Variants in PTPRK observed in about 807,000 individuals in gnomAD.
PTPRK encodes protein tyrosine phosphatase receptor type K, also known as receptor-type tyrosine-protein phosphatase kappa.
PTPRK carries 75 observed loss-of-function variants against 178.0 expected under a neutral mutation model. The ratio of observed to expected loss-of-function variants is 0.42; its 90% CI spans 0.35 to 0.51. The LOEUF is 0.51. PTPRK is among the 20% of genes least tolerant of loss of function. PTPRK has a pLI of 0.02. For missense variants in PTPRK, 1,441 were observed against 1,797.8 expected (o/e 0.80, Z 3.59); for synonymous variants, 637 against 620.6 (o/e 1.03, Z -0.39).
chr6:128,057,463 G>C (rs191213449), intron 13 of PTPRK, among the ~76,000 whole-genome samples: 7 of 152,250 alleles, frequency 4.6e-5, no homozygotes, highest in Admixed American at 4.6e-4. Flanking sequence ...TGGGAGAAGG[G>C]AATCTTGGCA....
chr6:128,193,204 G>A (rs1389990327), intron 6 of PTPRK, among the ~76,000 whole-genome samples: 4 of 126,206 alleles, frequency 3.2e-5, no homozygotes, highest in African/African-American at 1.2e-4. Context: ...AAAAGAGTTA[G>A]TTGACTGGAA....
intron 7 of PTPRK, among the ~76,000 whole-genome samples, chr6:128,118,027 G>A (rs1180977222): frequency 6.6e-6 from 1 of 152,046 alleles, no homozygotes; most frequent in Non-Finnish European, 1.5e-5. Context: ...ACCAATAAAT[G>A]CACAAACTCA....
At chr6:128,417,828 T>G (rs1427277211) in intron 1 of PTPRK, among the ~76,000 whole-genome samples, 1 of 152,176 alleles carries the variant, frequency 6.6e-6, no homozygotes, top group Non-Finnish European at 1.5e-5. Flanking sequence ...TTACGTGGTA[T>G]GAGAAGAAAA....
At chr6:128,247,140 C>T (rs945255930) in intron 3 of PTPRK, among the ~76,000 whole-genome samples, 3 of 152,130 alleles carry the variant, frequency 2.0e-5, no homozygotes, top group South Asian at 4.2e-4. Flanking sequence ...CCGTACATCA[C>T]GGGTTTCTTG....
intron 15 of PTPRK, among the ~76,000 whole-genome samples, chr6:128,004,790 G>A (rs866404549): frequency 4.0e-5 from 6 of 151,842 alleles, no homozygotes; most frequent in Middle Eastern, 3.4e-3. Flanking sequence ...GTAGGCAATC[G>A]TGTATTTCCA....
chr6:128,268,117 T>C (rs1361390351), intron 3 of PTPRK, among the ~76,000 whole-genome samples: 1 of 151,964 alleles, frequency 6.6e-6, no homozygotes, highest in Non-Finnish European at 1.5e-5. Context: ...AAGGCTGAAA[T>C]GGAAGCATTC....
At chr6:128,121,006 T>G (rs1792367540) in intron 7 of PTPRK, among the ~76,000 whole-genome samples, 1 of 151,988 alleles carries the variant, frequency 6.6e-6, no homozygotes, top group South Asian at 2.1e-4. Context: ...AAATAGGTTT[T>G]TATTAATCAA....
chr6:128,166,093 GA>G (rs1052150390), intron 7 of PTPRK, among the ~76,000 whole-genome samples: 1 of 151,438 alleles, frequency 6.6e-6, no homozygotes, highest in African/African-American at 2.4e-5. Flanking sequence ...ACAGCTTTTA[GA>G]AAGTCAATTT....
intron 15 of PTPRK, among the ~76,000 whole-genome samples, chr6:128,001,791 A>G (rs900341976): frequency 1.3e-5 from 2 of 152,004 alleles, no homozygotes; most frequent in African/African-American, 4.8e-5. Flanking sequence ...ACATATGTGT[A>G]GAAAATTATT....
chr6:128,069,278 A>G (rs1390132798), intron 11 of PTPRK, among the ~76,000 whole-genome samples: 1 of 152,134 alleles, frequency 6.6e-6, no homozygotes, highest in African/African-American at 2.4e-5. Flanking sequence ...TTAATGTTAG[A>G]AATTGTGATT....
chr6:128,515,583 C>T (rs183284852), intron 1 of PTPRK, among the ~76,000 whole-genome samples: 35 of 152,144 alleles, frequency 2.3e-4, no homozygotes, highest in African/African-American at 4.1e-4. Context: ...AATGTGTTTG[C>T]GCAAAGGCAA....
At chr6:127,979,036 T>C (rs1774939703) in intron 25 of PTPRK, among the ~76,000 whole-genome samples, 1 of 152,028 alleles carries the variant, frequency 6.6e-6, no homozygotes, top group Admixed American at 6.6e-5. Context: ...TAAGAGCAGG[T>C]GGATTACAAG....
intron 11 of PTPRK, among the ~76,000 whole-genome samples, chr6:128,073,316 A>G (rs1783177078): frequency 6.6e-6 from 1 of 152,090 alleles, no homozygotes; most frequent in African/African-American, 2.4e-5. Context: ...AAATAAAAAA[A>G]TAAATTCAGA....
intron 1 of PTPRK, among the ~76,000 whole-genome samples, chr6:128,401,510 A>G (rs187506592): frequency 2.8e-4 from 42 of 152,322 alleles, no homozygotes; most frequent in Admixed American, 2.4e-3. Flanking sequence ...ACTTTTCAAT[A>G]AAACCTGGGG....
At chr6:128,197,335 A>G (rs963438952) in intron 6 of PTPRK, among the ~76,000 whole-genome samples, 1 of 151,978 alleles carries the variant, frequency 6.6e-6, no homozygotes, top group South Asian at 2.1e-4. Flanking sequence ...TGCATTAGCT[A>G]TCTTTAAATG....
chr6:128,372,490 T>G (rs1836429503), intron 2 of PTPRK, among the ~76,000 whole-genome samples: 1 of 152,126 alleles, frequency 6.6e-6, no homozygotes, highest in African/African-American at 2.4e-5. Context: ...AAAGATAAAG[T>G]GACAGAGGTA....
chr6:128,275,631 G>T (rs1435769738), intron 3 of PTPRK, among the ~76,000 whole-genome samples: 1 of 151,948 alleles, frequency 6.6e-6, no homozygotes, highest in Non-Finnish European at 1.5e-5. Flanking sequence ...TTCGTATTTG[G>T]GAATATACAT....
chr6:128,221,536 A>C (rs888757610), intron 5 of PTPRK, among the ~76,000 whole-genome samples: 2 of 149,284 alleles, frequency 1.3e-5, no homozygotes, highest in Non-Finnish European at 3.0e-5. Context: ...AAAAAAAAAA[A>C]ATAATAATAA....
At chr6:128,196,576 C>T (rs536049593) in intron 6 of PTPRK, among the ~76,000 whole-genome samples, 1 of 152,178 alleles carries the variant, frequency 6.6e-6, no homozygotes, top group African/African-American at 2.4e-5. Flanking sequence ...TCATATCATC[C>T]AAAATATGAA....
Sources: allele counts gnomAD v4.1 joint callset (sites outside exome capture counted in the v4.1 genomes callset), GRCh38; gene constraint gnomAD v4.1.1; transcripts MANE v1.5; gene names NCBI Gene and HGNC (gene_info 2026-07-23, HGNC 2026-07-21).